CDS2: variants seen among roughly 807,000 people sequenced by gnomAD.
CDS2 encodes the protein phosphatidate cytidylyltransferase 2.
Under a neutral mutation model 59.0 loss-of-function variants are expected in CDS2, and 47 were observed. The observed-to-expected ratio is 0.80, with a 90% CI of 0.63 to 1.02. The LOEUF (loss-of-function observed/expected upper bound fraction) is 1.02. Among genes scored for constraint, CDS2 ranks in the 50% least tolerant of loss-of-function variants. CDS2 has a pLI of 0.00. For synonymous variants in CDS2, 207 were observed against 206.4 expected, an observed-to-expected ratio of 1.00 and a Z score of -0.02; for missense variants, 356 against 558.9, an observed-to-expected ratio of 0.64 and a Z score of 3.66.
chr20:5,167,734 A>G (rs941254313), intron 1 of CDS2, among the ~76,000 whole-genome samples: 5 of 152,212 alleles, frequency 3.3e-5, no homozygotes, highest in African/African-American at 1.2e-4. Context: ...AGCTGGTCAC[A>G]GGGCTTGATC....
chr20:5,156,067 A>G (rs1390062138), intron 1 of CDS2, among the ~76,000 whole-genome samples: 1 of 152,168 alleles, frequency 6.6e-6, no homozygotes, highest in Non-Finnish European at 1.5e-5. Flanking sequence ...TGCTTTTTGA[A>G]GATTAATATG....
At chr20:5,187,915 C>T (rs2091082126) in intron 10 of CDS2, 1 of 150,424 alleles carries the variant, frequency 6.6e-6, no homozygotes, top group African/African-American at 2.4e-5. Context: ...AAATGACTGA[C>T]AGTAATTGTT....
chr20:5,148,429 G>A (rs1028632076), intron 1 of CDS2, among the ~76,000 whole-genome samples: 8 of 152,158 alleles, frequency 5.3e-5, no homozygotes, highest in African/African-American at 1.7e-4. Flanking sequence ...CAATATGAAA[G>A]GATAAGGTTA....
intron 1 of CDS2, among the ~76,000 whole-genome samples, chr20:5,165,048 A>G (rs1279062435): frequency 6.6e-6 from 1 of 152,224 alleles, no homozygotes; most frequent in African/African-American, 2.4e-5. Flanking sequence ...ATTCCTTGTC[A>G]CAAAAATTAT....
chr20:5,178,077 C>T (rs146131198), intron 4 of CDS2, among the ~76,000 whole-genome samples: 54 of 152,310 alleles, frequency 3.5e-4, no homozygotes, highest in African/African-American at 1.3e-3. Flanking sequence ...GTGATGGCTG[C>T]ATGGTGCCAT....
intron 5 of CDS2, among the ~76,000 whole-genome samples, chr20:5,179,690 G>A (rs1408811702): frequency 1.3e-5 from 2 of 152,322 alleles, no homozygotes; most frequent in Non-Finnish European, 1.5e-5. Context: ...CAACCTCAGG[G>A]GGAGCTAGGA....
chr20:5,190,190 C>G lies in CDS2; in HGVS notation c.1294C>G (p.Leu432Val). Residue 432 changes from leucine to valine, a missense_variant, in exon 13 of 13, where the codon CTG (leucine) becomes GTG (valine). This residue lies in a region of CDS2 where 33 missense variants were observed against 27.9 expected (regional missense o/e 1.18). Transcript: ENST00000460006. ...CATCTTCAACACGCTGCGGTCTCAT[C>G]TGATCGACAAAGGGATGCTGACATC... ...LHIFNTLRSH[L>V]IDKGMLTSTT... 1.1e-5 allele frequency: 18 copies of G among 1,614,092 alleles called. No individual in the cohort carries two copies. The highest frequency in any genetic ancestry group is 1.5e-5 in the Non-Finnish European group (18 of 1,179,968).
intron 1 of CDS2, among the ~76,000 whole-genome samples, chr20:5,135,705 A>G (rs1028243975): frequency 6.6e-6 from 1 of 152,140 alleles, no homozygotes; most frequent in Admixed American, 6.6e-5. Flanking sequence ...GTTTGCCCCA[A>G]CAGTAGGGAT....
chr20:5,133,375 C>A (rs1311876976), intron 1 of CDS2, among the ~76,000 whole-genome samples: 3 of 151,956 alleles, frequency 2.0e-5, no homozygotes, highest in Admixed American at 6.6e-5. Flanking sequence ...CCTCAGTCTC[C>A]TGAGTAGCTC....
chr20:5,181,066 AAAGCAAAAT>A (rs1489708713), intron 5 of CDS2, among the ~76,000 whole-genome samples: 1 of 152,090 alleles, frequency 6.6e-6, no homozygotes, highest in Non-Finnish European at 1.5e-5. Flanking sequence ...CCATATCAGT[AAAGCAAAAT>A]AAGCAAAACT....
chr20:5,136,304 T>C (rs11698682), intron 1 of CDS2, among the ~76,000 whole-genome samples: 12,686 of 152,258 alleles, frequency 0.083, 595 homozygotes, highest in Middle Eastern at 0.15. Flanking sequence ...GTTTCTTTCT[T>C]CTGCGATAAA....
At chr20:5,148,733 A>G (rs758977428) in intron 1 of CDS2, among the ~76,000 whole-genome samples, 2 of 152,202 alleles carry the variant, frequency 1.3e-5, no homozygotes, top group African/African-American at 4.8e-5. Context: ...GGTTGGGTCA[A>G]TATCTGTCCC....
chr20:5,166,462 C>T (rs1050875660), intron 1 of CDS2, among the ~76,000 whole-genome samples: 2 of 152,020 alleles, frequency 1.3e-5, no homozygotes, highest in Admixed American at 6.5e-5. Flanking sequence ...GATTTAGGGT[C>T]TGTAGCTCAA....
Position 5,167,368 on chromosome 20 carries a change from T to G in CDS2, c.58-6155T>G, listed in dbSNP as rs542365890. On this transcript the variant is annotated intron_variant, in intron 1 of 12. Transcript: ENST00000460006. The stretch of plus-strand genomic sequence containing the variant: ...GCTTTTGAAGGACAGGGTATGGCCA[T>G]ACTGGGGATGACTGTGAACTCATTC... Among the ~76,000 whole-genome samples the G allele has an allele frequency of 4.6e-5, 7 of 152,328 alleles. No homozygotes were observed. The South Asian group carries it at 1.4e-3, about 32-fold the overall frequency.
intron 1 of CDS2, among the ~76,000 whole-genome samples, chr20:5,168,337 C>T (rs890634621): frequency 6.6e-6 from 1 of 151,114 alleles, no homozygotes; most frequent in Admixed American, 6.6e-5. Context: ...ATCGCTTGAA[C>T]CCGGGAGGTG....
intron 1 of CDS2, among the ~76,000 whole-genome samples, chr20:5,159,433 G>A (rs2090859739): frequency 6.7e-6 from 1 of 149,492 alleles, no homozygotes; most frequent in Non-Finnish European, 1.5e-5. Context: ...AAATTCATTT[G>A]AAGATGAAAT....
chr20:5,145,925 T>C (rs565751886), intron 1 of CDS2, among the ~76,000 whole-genome samples: 1 of 151,192 alleles, frequency 6.6e-6, no homozygotes, highest in East Asian at 2.0e-4. Flanking sequence ...CCACACTCAG[T>C]CAACCCTCCC....
intron 1 of CDS2, among the ~76,000 whole-genome samples, chr20:5,145,821 T>TG (rs201276520): frequency 0.017 from 1,926 of 110,570 alleles, 72 homozygotes; most frequent in African/African-American, 0.056. Flanking sequence ...TTGCTTTTTG[T>TG]GTTTTTTTTT....
intron 1 of CDS2, among the ~76,000 whole-genome samples, chr20:5,132,721 ATTATT>A (rs2090617571): frequency 6.6e-6 from 1 of 152,164 alleles, no homozygotes; most frequent in Non-Finnish European, 1.5e-5. Context: ...CATATAACCA[ATTATT>A]TTATGTTTCT....
Sources: allele counts gnomAD v4.1 joint callset (sites outside exome capture counted in the v4.1 genomes callset), GRCh38; gene constraint gnomAD v4.1.1; regional missense constraint gnomAD v4.1.1; transcripts MANE v1.5; gene names NCBI Gene and HGNC (gene_info 2026-07-23, HGNC 2026-07-21).